The following MARK3 variants were observed in gnomAD, a reference collection of about 807,000 sequenced individuals.
MARK3 encodes the protein MAP/microtubule affinity-regulating kinase 3.
Under a neutral mutation model 90.1 loss-of-function variants are expected in MARK3, and 46 were observed. The ratio of observed to expected loss-of-function variants is 0.51; its 90% CI spans 0.40 to 0.65. The LOEUF is 0.65. Among genes scored for constraint, MARK3 ranks in the 30% least tolerant of loss-of-function variants. The probability of loss-of-function intolerance (pLI) is 0.00; values close to 1 mark genes in which losing one functional copy is unlikely to be tolerated. For missense variants in MARK3, 818 were observed against 947.2 expected, an observed-to-expected ratio of 0.86 and a Z score of 1.79; for synonymous variants, 321 against 332.6, an observed-to-expected ratio of 0.97 and a Z score of 0.38.
In MARK3 at chr14:103,400,316, A is replaced by G. The variant is rs117284372; in HGVS notation, c.52-4760A>G. Among the ~76,000 whole-genome samples the G allele has an allele frequency of 1.0e-3, 156 of 152,306 alleles. 5 individuals carry two copies. In the East Asian group the frequency reaches 0.026, roughly 25 times the overall value. On this transcript the variant is annotated intron_variant, in intron 1 of 17. Transcript: ENST00000429436. ...AGACTTTAACTAATGAGAACTGGCCAGAACTAAGCCAGATGGCTATCTCTA... is the reference window on the plus strand; with the variant it reads ...AGACTTTAACTAATGAGAACTGGCCGGAACTAAGCCAGATGGCTATCTCTA...
intron 14 of MARK3, among the ~76,000 whole-genome samples, chr14:103,482,187 G>C (rs1202438511): frequency 6.6e-6 from 1 of 152,062 alleles, no homozygotes; most frequent in African/African-American, 2.4e-5. Flanking sequence ...GACTTAATTA[G>C]AAGTTTCTGG....
chr14:103,420,535 CT>C (rs1294552152), intron 2 of MARK3, among the ~76,000 whole-genome samples: 3 of 152,076 alleles, frequency 2.0e-5, no homozygotes, highest in Non-Finnish European at 4.4e-5. Context: ...CTGGCCAACA[CT>C]TTTTTTGTGT....
At chr14:103,401,092 G>A (rs560490680) in intron 1 of MARK3, among the ~76,000 whole-genome samples, 2 of 151,970 alleles carry the variant, frequency 1.3e-5, no homozygotes, top group South Asian at 4.2e-4. Flanking sequence ...TGTTGGTACT[G>A]AGTGCTGTGG....
At chr14:103,431,452 G>A (rs1327555850) in intron 3 of MARK3, among the ~76,000 whole-genome samples, 1 of 152,084 alleles carries the variant, frequency 6.6e-6, no homozygotes, top group Non-Finnish European at 1.5e-5. Context: ...TCAACATGGT[G>A]AAACCGCGTC....
chr14:103,460,262 T>A (rs574715293), intron 6 of MARK3, among the ~76,000 whole-genome samples: 2 of 151,886 alleles, frequency 1.3e-5, no homozygotes, highest in East Asian at 3.9e-4. Flanking sequence ...ATTTTTTGTA[T>A]ATTTAGTAGA....
intron 1 of MARK3, among the ~76,000 whole-genome samples, chr14:103,398,454 A>T (rs909630747): frequency 7.9e-5 from 12 of 152,022 alleles, no homozygotes; most frequent in Admixed American, 6.6e-4. Context: ...CTTTGGGTGC[A>T]TTCTTGTTTT....
At chr14:103,412,699 G>T in intron 2 of MARK3, 1 of 664,472 alleles carries the variant, frequency 1.5e-6, no homozygotes. Flanking sequence ...ACTTTCACTG[G>T]TTCCCGTGCA....
rs377549185 is a variant in MARK3 at position 103,462,390 on chromosome 14, G to A, written c.484-15G>A. On this transcript the variant is annotated splice_polypyrimidine_tract_variant and intron_variant, in intron 6 of 17. Transcript: ENST00000429436. ...CTGCACCAGTGATGACTGACTCTGCGTCTCTCCTATTCAGATTGTGTCTGC... is the reference window on the plus strand; with the variant it reads ...CTGCACCAGTGATGACTGACTCTGCATCTCTCCTATTCAGATTGTGTCTGC... 1.5e-4 allele frequency: 232 copies of A among 1,581,440 alleles called. No homozygotes were observed. The African/African-American group carries it at 2.6e-3, about 17-fold the overall frequency.
chr14:103,424,679 G>A (rs1235014114), intron 2 of MARK3, among the ~76,000 whole-genome samples: 1 of 152,136 alleles, frequency 6.6e-6, no homozygotes, highest in Non-Finnish European at 1.5e-5. Flanking sequence ...CATCTTTGAT[G>A]GATTTGGCCA....
chr14:103,501,249 C>G (rs1450743325), intron 17 of MARK3, among the ~76,000 whole-genome samples: 1 of 152,250 alleles, frequency 6.6e-6, no homozygotes, highest in Non-Finnish European at 1.5e-5. Flanking sequence ...AGGCAGAGCA[C>G]TAGGGTGAGT....
rs143278166 is a variant in MARK3, at chr14:103,490,082, C to T, written c.1587-1695C>T. On this transcript the variant is annotated intron_variant, in intron 14 of 17. Transcript: ENST00000429436. ...CCTGTAATCCCAACACTTTGGGAGGCCAAGGCAGGCGTATCGTTTGAGCCC... is the reference window on the plus strand; with the variant it reads ...CCTGTAATCCCAACACTTTGGGAGGTCAAGGCAGGCGTATCGTTTGAGCCC... 746 of 152,590 alleles carry T rather than the reference C, an allele frequency of 4.9e-3. 11 individuals carry two copies. The highest frequency in any genetic ancestry group is 0.017 in the African/African-American group (720 of 41,564). 9.5% of individuals were successfully genotyped at this position (152,590 alleles called of 1,614,324 possible). A position where few individuals can be genotyped will look rare whatever the true frequency, so the allele number is the denominator to read the frequency against.
At chr14:103,443,204 A>G (rs902054252) in intron 3 of MARK3, among the ~76,000 whole-genome samples, 1 of 152,268 alleles carries the variant, frequency 6.6e-6, no homozygotes, top group African/African-American at 2.4e-5. Flanking sequence ...CAGTAACAAC[A>G]GAAGTTGAGA....
intron 2 of MARK3, among the ~76,000 whole-genome samples, chr14:103,407,552 C>CCCTTTTT (rs2091378781): frequency 1.4e-5 from 1 of 72,306 alleles, no homozygotes; most frequent in Admixed American, 1.7e-4. Flanking sequence ...CCTGTTTTGC[C>CCCTTTTT]TCTTTTTTTT....
In MARK3 at chr14:103,457,215, A is replaced by G; in HGVS notation, c.483+3A>G. On this transcript the variant is annotated splice_donor_region_variant and intron_variant, in intron 6 of 17. Transcript: ENST00000429436. Reference sequence around the variant, plus strand: ...AAGCAAGATCTAAATTTAGACAGGTATGAATTAATGTGTCTTTACTATGTC... The same window carrying G: ...AAGCAAGATCTAAATTTAGACAGGTGTGAATTAATGTGTCTTTACTATGTC... The G allele has an allele frequency of 6.3e-7, 1 of 1,589,014 alleles. No individual in the cohort carries two copies. The highest frequency in any genetic ancestry group is 8.6e-7 in the Non-Finnish European group (1 of 1,157,752).
At chr14:103,401,465 A>G (rs902018109) in intron 1 of MARK3, among the ~76,000 whole-genome samples, 1 of 152,124 alleles carries the variant, frequency 6.6e-6, no homozygotes, top group African/African-American at 2.4e-5. Flanking sequence ...TTCTGCTCAC[A>G]CCAAGTCTGC....
At chr14:103,397,705 C>A (rs929681069) in intron 1 of MARK3, among the ~76,000 whole-genome samples, 1 of 152,082 alleles carries the variant, frequency 6.6e-6, no homozygotes, top group African/African-American at 2.4e-5. Context: ...TATTTTTCAC[C>A]GTATTACATT....
chr14:103,443,647 G>A (rs945419933), intron 3 of MARK3, among the ~76,000 whole-genome samples: 4 of 152,160 alleles, frequency 2.6e-5, no homozygotes, highest in Non-Finnish European at 5.9e-5. Context: ...TGAGGAAGGG[G>A]TCGTCTTTAA....
chr14:103,482,611 T>A (rs2093846799), intron 14 of MARK3, among the ~76,000 whole-genome samples: 1 of 152,136 alleles, frequency 6.6e-6, no homozygotes, highest in African/African-American at 2.4e-5. Context: ...TATGTGACTG[T>A]CTGAGGTGCA....
At chr14:103,443,138 T>A (rs889416866) in intron 3 of MARK3, among the ~76,000 whole-genome samples, 1 of 152,184 alleles carries the variant, frequency 6.6e-6, no homozygotes, top group Non-Finnish European at 1.5e-5. Flanking sequence ...AAATTGATAA[T>A]TTTCTAGGAA....
Sources: gnomAD v4.1 joint callset for allele counts (sites outside exome capture counted in the v4.1 genomes callset) on GRCh38, gnomAD v4.1.1 for gene constraint, MANE v1.5 for transcripts, NCBI Gene and HGNC (gene_info 2026-07-23, HGNC 2026-07-21) for gene names.